Variants in ADAMTS14 observed in about 807,000 individuals in gnomAD.
The protein encoded by ADAMTS14 is A disintegrin and metalloproteinase with thrombospondin motifs 14.
Under a neutral mutation model 128.6 loss-of-function variants are expected in ADAMTS14, and 100 were observed. That is an observed-to-expected ratio of 0.78 (90% confidence interval 0.66 to 0.92). ADAMTS14 has a LOEUF of 0.92. Ranked by LOEUF, ADAMTS14 falls within the 40% of genes least tolerant of loss-of-function variation. The probability of loss-of-function intolerance (pLI) is 0.00; values close to 1 mark genes in which losing one functional copy is unlikely to be tolerated. For missense variants in ADAMTS14, 1,562 were observed against 1,658.6 expected, an observed-to-expected ratio of 0.94 and a Z score of 1.01; for synonymous variants, 665 against 653.8, an observed-to-expected ratio of 1.02 and a Z score of -0.26.
chr10:70,733,778 A>G (rs1841727530), intron 7 of ADAMTS14, 107 bp from the exon 8 acceptor site: 1 of 1,395,404 alleles, frequency 7.2e-7, no homozygotes. Context: ...GAGCGATCTG[A>G]GCTCCGGGTC....
At chr10:70,712,824 A>C (rs1352663361) in intron 4 of ADAMTS14, among the ~76,000 whole-genome samples, 1 of 152,132 alleles carries the variant, frequency 6.6e-6, no homozygotes, top group African/African-American at 2.4e-5. Flanking sequence ...GAGGAGTCTG[A>C]TGACTTGTCC....
Position 70,749,847 on chromosome 10 carries a change from C to T in ADAMTS14, c.2289C>T (p.Ser763=). 6.2e-7 allele frequency: 1 copy of T among 1,614,026 alleles called. No homozygotes were observed. Among genetic ancestry groups the T allele is most frequent in the African/African-American group, 1.3e-5 (1 of 75,054 alleles). ...RIVVKNQVTG[S]FILNPKGKEA... ...TGGTGAAGAACCAGGTCACCGGCAG[C>T]TTCATCCTCAACCCCAAGGGCAAGG... The change falls in exon 16 of 22, where the codon AGC becomes AGT. Residue 763 remains serine, a synonymous_variant. Transcript: ENST00000373207.
At chr10:70,730,280 G>A (rs774889761) in intron 6 of ADAMTS14, 31 bp downstream of exon 6, 2 of 1,603,842 alleles carry the variant, frequency 1.2e-6, no homozygotes, top group Non-Finnish European at 1.7e-6. Flanking sequence ...GCCATGGCCA[G>A]GTGTGTGCAG....
At chr10:70,677,291 G>T (rs752958002) in intron 2 of ADAMTS14, among the ~76,000 whole-genome samples, 1 of 152,172 alleles carries the variant, frequency 6.6e-6, no homozygotes, top group Non-Finnish European at 1.5e-5. Context: ...TGGGGCTGGG[G>T]ATTCCTCAGA....
In ADAMTS14 at chr10:70,745,297, C is replaced by T. The variant is rs770129503; in HGVS notation, c.2254C>T (p.His752Tyr). Reference protein sequence around the residue: ...IQIEALEKSPHRIVVKNQVTG... With the variant: ...IQIEALEKSPYRIVVKNQVTG... ...GATTGAGGCACTGGAGAAGTCCCCC[C>T]ACCGCATTGGTGAGTGCTGGGGTGC... is the stretch of plus-strand genomic sequence containing the variant. Residue 752 changes from histidine to tyrosine, a missense_variant, in exon 15 of 22, where the codon CAC becomes TAC. By Grantham distance (83) the His-to-Tyr change is moderately conservative. Coordinates refer to ENST00000373207, the MANE Select transcript of ADAMTS14 (RefSeq NM_080722.4). 1 of 1,612,554 alleles carries T rather than the reference C, an allele frequency of 6.2e-7. No homozygotes were observed. The highest frequency in any genetic ancestry group is 8.5e-7 in the Non-Finnish European group (1 of 1,179,988).
intron 15 of ADAMTS14, among the ~76,000 whole-genome samples, chr10:70,748,482 G>A (rs1394683539): frequency 6.6e-6 from 1 of 152,164 alleles, no homozygotes; most frequent in Non-Finnish European, 1.5e-5. Context: ...CTCTCCAGCA[G>A]CCTCCCAGGA....
intron 19 of ADAMTS14, among the ~76,000 whole-genome samples, chr10:70,755,878 A>G (rs934189361): frequency 6.6e-6 from 1 of 152,236 alleles, no homozygotes; most frequent in African/African-American, 2.4e-5. Context: ...TTAAGATGGC[A>G]AACTTTATGT....
chr10:70,701,863 A>G (rs868642239), intron 2 of ADAMTS14, among the ~76,000 whole-genome samples: 15 of 152,184 alleles, frequency 9.9e-5, no homozygotes, highest in African/African-American at 3.6e-4. Context: ...CCTTAGGGAT[A>G]ATGAGCCTTT....
chr10:70,739,118 G>A lies in ADAMTS14; in HGVS notation c.1748+128G>A, dbSNP rs149851703. 159 of 1,177,574 alleles carry A rather than the reference G, an allele frequency of 1.4e-4. 1 individual carries two copies. The African/African-American group carries it at 2.1e-3, about 15-fold the overall frequency. 72.9% of individuals were successfully genotyped at this position (1,177,574 alleles called of 1,614,324 possible). The stretch of plus-strand genomic sequence containing the variant: ...CCTGTGGGTGGTTGTGTATGCTAAC[G>A]CATGAGGACACAAACTTGTTGGTGG... On this transcript the variant is annotated intron_variant, in intron 11 of 21. Transcript: ENST00000373207.
intron 4 of ADAMTS14, among the ~76,000 whole-genome samples, chr10:70,709,460 A>AAATTTT (rs1840770296): frequency 6.6e-6 from 1 of 150,678 alleles, no homozygotes; most frequent in Non-Finnish European, 1.5e-5. Context: ...TCATTATGGA[A>AAATTTT]AATTTTAATC....
chr10:70,745,917 G>T (rs1842165110), intron 15 of ADAMTS14, among the ~76,000 whole-genome samples: 1 of 152,250 alleles, frequency 6.6e-6, no homozygotes, highest in South Asian at 2.1e-4. Context: ...TCCTCAACAG[G>T]CTAACCCAGT....
At chr10:70,759,313 GTC>G (rs2132763162) in intron 21 of ADAMTS14, among the ~76,000 whole-genome samples, 1 of 151,730 alleles carries the variant, frequency 6.6e-6, no homozygotes, top group Admixed American at 6.6e-5. Flanking sequence ...CTCCACCTGT[GTC>G]TCTCTTTCCC....
intron 4 of ADAMTS14, among the ~76,000 whole-genome samples, chr10:70,721,019 C>CTTTTTTTTTT (rs56656736): frequency 1.2e-3 from 104 of 84,326 alleles, no homozygotes; most frequent in African/African-American, 1.6e-3. Flanking sequence ...TCTCTTTTTT[C>CTTTTTTTTTT]TTTTTTTTTT....
chr10:70,748,137 T>C (rs1039944038), intron 15 of ADAMTS14, among the ~76,000 whole-genome samples: 10 of 152,166 alleles, frequency 6.6e-5, no homozygotes, highest in Non-Finnish European at 7.3e-5. Context: ...TGGCCATCTA[T>C]GAATATTGTT....
chr10:70,731,841 C>A (rs1006476364), intron 6 of ADAMTS14, among the ~76,000 whole-genome samples: 3 of 152,126 alleles, frequency 2.0e-5, no homozygotes, highest in Non-Finnish European at 4.4e-5. Context: ...GTTGCAGGGT[C>A]GGGGTAGGCT....
chr10:70,689,852 G>A (rs2132561902), intron 2 of ADAMTS14, among the ~76,000 whole-genome samples: 1 of 145,084 alleles, frequency 6.9e-6, no homozygotes, highest in African/African-American at 2.4e-5. Flanking sequence ...GGACTGCCAG[G>A]GCCTGCCCCT....
rs45590136 is a variant in ADAMTS14, at chr10:70,751,774, T to A, written c.2596+128T>A. On this transcript the variant is annotated intron_variant, in intron 17 of 21. Coordinates refer to ENST00000373207, the MANE Select transcript of ADAMTS14 (RefSeq NM_080722.4). Reference sequence around the variant, plus strand: ...TTATGACTCAGTTTCTCCTTGAAGATCTCCAGTGTGTGGAAGCCCGTTTTG... The same window carrying A: ...TTATGACTCAGTTTCTCCTTGAAGAACTCCAGTGTGTGGAAGCCCGTTTTG... The A allele has an allele frequency of 8.9e-3, 11,487 of 1,288,140 alleles. 176 individuals carry two copies. The highest frequency in any genetic ancestry group is 0.059 in the Admixed American group (2,566 of 43,386). The allele number at this position is 1,288,140 out of a possible 1,614,324, so 79.8% of individuals were successfully genotyped here. A position where few individuals can be genotyped will look rare whatever the true frequency, so the allele number is the denominator to read the frequency against.
Position 70,743,588 on chromosome 10 carries a change from G to C in ADAMTS14, c.1965G>C (p.Thr655=), listed in dbSNP as rs10999502. The change falls in exon 13 of 22, where the codon ACG becomes ACC. Residue 655 remains threonine (T), a synonymous_variant. Transcript: ENST00000373207. ...AGCTGATCTGCCAGTCGGCGGACACGGGGGACGTGGTGTTCATGAACCAGG... is the reference window on the plus strand; with the variant it reads ...AGCTGATCTGCCAGTCGGCGGACACCGGGGACGTGGTGTTCATGAACCAGG... ...KCELICQSAD[T]GDVVFMNQVV... 1.2e-6 allele frequency: 2 copies of C among 1,612,630 alleles called. No homozygotes were observed. Among genetic ancestry groups the C allele is most frequent in the Admixed American group, 3.4e-5 (2 of 59,654 alleles).
intron 4 of ADAMTS14, among the ~76,000 whole-genome samples, chr10:70,710,972 G>T (rs1564532221): frequency 6.6e-6 from 1 of 152,338 alleles, no homozygotes; most frequent in East Asian, 1.9e-4. Context: ...TGACGAGGTG[G>T]TCACTAGGGG....
Sources: gnomAD v4.1 joint callset for allele counts (sites outside exome capture counted in the v4.1 genomes callset) on GRCh38, gnomAD v4.1.1 for gene constraint, MANE v1.5 for transcripts, NCBI Gene and HGNC (gene_info 2026-07-23, HGNC 2026-07-21) for gene names.